STK32C: variants seen among roughly 807,000 people sequenced by gnomAD.
The protein encoded by STK32C is serine/threonine-protein kinase 32C.
In STK32C, 31 loss-of-function variants were observed where a neutral mutation model predicts 56.5. That is an observed-to-expected ratio of 0.55 (90% CI 0.41 to 0.74). The LOEUF (loss-of-function observed/expected upper bound fraction) is 0.74, where lower values mean the gene tolerates loss of function less well. Among genes scored for constraint, STK32C ranks in the 30% least tolerant of loss-of-function variants. The pLI is 0.00. For synonymous variants in STK32C, 309 were observed against 289.4 expected (o/e 1.07, Z -0.69); for missense variants, 544 against 676.9 (o/e 0.80, Z 2.18).
upstream of STK32C, among the ~76,000 whole-genome samples, chr10:132,309,752 C>G (rs1039155251): frequency 1.3e-5 from 2 of 152,182 alleles, no homozygotes; most frequent in South Asian, 4.1e-4. Context: ...CCTGCGTACC[C>G]GGTGCACACA....
intron 1 of STK32C, among the ~76,000 whole-genome samples, chr10:132,281,121 T>C (rs1198379500): frequency 6.6e-6 from 1 of 151,882 alleles, no homozygotes. Context: ...GCCACTGCAC[T>C]CCATCCTGGA....
intron 1 of STK32C, chr10:132,249,018 C>T (rs975863138): frequency 1.9e-5 from 9 of 467,366 alleles, no homozygotes; most frequent in Non-Finnish European, 2.6e-5. Context: ...GGGTCACCTG[C>T]GCCCTGCACA....
At chr10:132,276,331 C>A (rs1296154067) in intron 1 of STK32C, among the ~76,000 whole-genome samples, 1 of 152,226 alleles carries the variant, frequency 6.6e-6, no homozygotes, top group Non-Finnish European at 1.5e-5. Context: ...AGACACCAGC[C>A]ATCCCACAGA....
chr10:132,221,439 T>C (rs1276796693), intron 10 of STK32C, among the ~76,000 whole-genome samples: 1 of 132,684 alleles, frequency 7.5e-6, no homozygotes, highest in East Asian at 2.3e-4. Context: ...CACGTGGCCA[T>C]CCCTGCACAC....
chr10:132,254,804 A>T (rs2064049048), intron 1 of STK32C, among the ~76,000 whole-genome samples: 2 of 152,328 alleles, frequency 1.3e-5, no homozygotes, highest in African/African-American at 4.8e-5. Context: ...CCCCACGCGA[A>T]GGCTGTCTCA....
chr10:132,233,733 G>C (rs1320535592), intron 2 of STK32C, among the ~76,000 whole-genome samples: 1 of 152,230 alleles, frequency 6.6e-6, no homozygotes, highest in South Asian at 2.1e-4. Flanking sequence ...GGCCAGGCAG[G>C]GGCACTCAGC....
At chr10:132,261,336 A>G (rs1158209055) in intron 1 of STK32C, among the ~76,000 whole-genome samples, 4 of 152,226 alleles carry the variant, frequency 2.6e-5, no homozygotes, top group African/African-American at 4.8e-5. Context: ...TTATACACCA[A>G]TAACATTCAA....
intron 1 of STK32C, among the ~76,000 whole-genome samples, chr10:132,297,917 A>G (rs749395313): frequency 1.1e-4 from 16 of 152,140 alleles, no homozygotes; most frequent in Admixed American, 1.3e-4. Context: ...CTTCCCTCCA[A>G]GCTCTTTCAG....
At chr10:132,248,270 G>C (rs923091546) in intron 1 of STK32C, among the ~76,000 whole-genome samples, 11 of 152,236 alleles carry the variant, frequency 7.2e-5, no homozygotes, top group Admixed American at 5.2e-4. Context: ...CTAGTGGAGG[G>C]AGGAGAGTGA....
At chr10:132,297,225 C>T (rs1202764486) in intron 1 of STK32C, among the ~76,000 whole-genome samples, 4 of 152,228 alleles carry the variant, frequency 2.6e-5, no homozygotes, top group African/African-American at 9.6e-5. Context: ...CCACCCCACA[C>T]CCTCTGCAGG....
chr10:132,235,494 TAAAA>T (rs56193362), intron 2 of STK32C, among the ~76,000 whole-genome samples: 4 of 108,134 alleles, frequency 3.7e-5, no homozygotes, highest in Admixed American at 2.5e-4. Flanking sequence ...GACTCAGCCT[TAAAA>T]AAAAAAAAAA....
chr10:132,330,440 G>A, intron 1 of STK32C: 1 of 717,208 alleles, frequency 1.4e-6, no homozygotes, highest in Non-Finnish European at 2.6e-6. Flanking sequence ...CCGGGTGGCT[G>A]GCCTCCCCAC....
downstream of STK32C, among the ~76,000 whole-genome samples, chr10:132,322,927 T>C (rs1040558916): frequency 3.3e-5 from 5 of 152,184 alleles, no homozygotes; most frequent in African/African-American, 1.2e-4. Context: ...GATCGCTTAC[T>C]CAATCCCAGA....
Position 132,207,867 on chromosome 10 carries a change from G to T in STK32C, c.*143C>A. The stretch of plus-strand genomic sequence containing the variant: ...GTCCCCTGCACCACCACGAGCCTGA[G>T]GTGTGAAATGTGTCCGGGGCACTGT... On this transcript the variant is annotated 3_prime_UTR_variant, in exon 12 of 12. Transcript: ENST00000298630. 1.0e-6 allele frequency: 1 copy of T among 980,450 alleles called. No homozygotes were observed. Among genetic ancestry groups the T allele is most frequent in the Non-Finnish European group, 1.3e-6 (1 of 756,474 alleles). The allele number at this position is 980,450 out of a possible 1,614,324, so 60.7% of individuals were successfully genotyped here. A position where few individuals can be genotyped will look rare whatever the true frequency, so the allele number is the denominator to read the frequency against.
intron 1 of STK32C, among the ~76,000 whole-genome samples, chr10:132,249,492 G>GC (rs2063820253): frequency 6.6e-6 from 1 of 152,138 alleles, no homozygotes; most frequent in Non-Finnish European, 1.5e-5. Flanking sequence ...CCGCACCAGC[G>GC]CCCCTGAGAA....
At position 132,307,861 on chromosome 10, in the gene STK32C, G is replaced by A. The variant is rs1463515165; in HGVS notation, c.-28C>T. 2 of 1,145,892 alleles carry A rather than the reference G, an allele frequency of 1.7e-6. No homozygotes were observed. Among genetic ancestry groups the A allele is most frequent in the African/African-American group, 3.4e-5 (2 of 58,438 alleles). The allele number at this position is 1,145,892 out of a possible 1,614,324, so 71.0% of individuals were successfully genotyped here. On this transcript the variant is annotated 5_prime_UTR_variant, in exon 1 of 12. Transcript: ENST00000298630. This position sits in a 1 kb window ranked among gnomAD's most constrained non-coding sequence, Gnocchi z 4.4. ...CCGGGTCTGGGTGCGCGCGGCAGCC[G>A]GAACTCGGGGCATGGCCGGCCGGCA... is the stretch of plus-strand genomic sequence containing the variant.
At chr10:132,320,481 C>T (rs1051395031), downstream of STK32C, among the ~76,000 whole-genome samples, 11 of 151,868 alleles carry the variant, frequency 7.2e-5, no homozygotes, top group Non-Finnish European at 2.9e-5. Flanking sequence ...ACAGGAGACC[C>T]GTCTATAATA....
chr10:132,222,049 C>G (rs757763705), intron 10 of STK32C, among the ~76,000 whole-genome samples: 3 of 150,326 alleles, frequency 2.0e-5, no homozygotes, highest in South Asian at 2.2e-4. Flanking sequence ...CATGGCCATC[C>G]CTGCACACAC....
At chr10:132,228,958 G>A (rs910676607) in intron 2 of STK32C, among the ~76,000 whole-genome samples, 1 of 152,244 alleles carries the variant, frequency 6.6e-6, no homozygotes, top group Non-Finnish European at 1.5e-5. Context: ...TGTACCCTCT[G>A]AGCATGGATC....
Sources: gnomAD v4.1 joint callset for allele counts (sites outside exome capture counted in the v4.1 genomes callset) on GRCh38, gnomAD v4.1.1 for gene constraint, Gnocchi (gnomAD v3.1) non-coding constraint, MANE v1.5 for transcripts, NCBI Gene and HGNC (gene_info 2026-07-23, HGNC 2026-07-21) for gene names.